Variants in SPATA2 observed in about 807,000 individuals in gnomAD.
SPATA2 encodes spermatogenesis associated 2.
In SPATA2, 8 loss-of-function variants were observed where a neutral mutation model predicts 35.4. That is an observed-to-expected ratio of 0.23 (90% CI 0.13 to 0.41). The LOEUF (loss-of-function observed/expected upper bound fraction) is 0.41, where lower values mean the gene tolerates loss of function less well. Ranked by LOEUF, SPATA2 falls within the 10% of genes least tolerant of loss-of-function variation. The pLI, the probability that SPATA2 is intolerant of heterozygous loss-of-function variation, is 1.00. For synonymous variants in SPATA2, 293 were observed against 300.9 expected (o/e 0.97, Z 0.27); for missense variants, 650 against 698.7 (o/e 0.93, Z 0.79).
In SPATA2 at chr20:49,908,260, G is replaced by C; in HGVS notation, c.231C>G (p.Leu77=). The C allele has an allele frequency of 6.2e-7, 1 of 1,614,160 alleles. No homozygotes were observed. Among genetic ancestry groups the C allele is most frequent in the South Asian group, 1.1e-5 (1 of 91,068 alleles). The change falls in exon 2 of 3, where the codon CTC becomes CTG. Residue 77 remains leucine, a synonymous_variant. Coordinates refer to ENST00000289431, the MANE Select transcript of SPATA2 (RefSeq NM_006038.4). ...GCAGAGCCCGCAGGCTAGAGGAGCT[G>C]AGCGAGCGCAAGGAGCTCTCCACCA... ...YEVVESSLRS[L]SSSSLRALHG... is the part of the protein sequence containing the mutation.
Position 49,906,278 on chromosome 20 carries a change from C to T in SPATA2, c.904G>A (p.Ala302Thr). ...IRPSPSLLTM[A>T]SSPHGSPDVL... ...TCCGGGCTGCCGTGGGGGGAGCTGGCCATGGTCAGCAGCGAAGGGGATGGG... is the reference window on the plus strand; with the variant it reads ...TCCGGGCTGCCGTGGGGGGAGCTGGTCATGGTCAGCAGCGAAGGGGATGGG... Residue 302 changes from alanine to threonine, a missense_variant, in exon 3 of 3, where the codon GCC (alanine) becomes ACC (threonine). Physicochemically the swap from Ala to Thr is moderately conservative, Grantham distance 58 (BLOSUM62 0). Transcript: ENST00000289431. The surrounding 1 kb of genome is among the most constrained non-coding windows in gnomAD (Gnocchi z 8.2). 6.4e-7 allele frequency: 1 copy of T among 1,573,840 alleles called. No individual in the cohort carries two copies.
intron 1 of SPATA2, among the ~76,000 whole-genome samples, chr20:49,912,658 T>C (rs1319035172): frequency 6.6e-6 from 1 of 152,170 alleles, no homozygotes; most frequent in African/African-American, 2.4e-5. Context: ...AGAGACTGAT[T>C]TTTTACAAAG....
chr20:49,907,380 G>A (rs2090153736), intron 2 of SPATA2, among the ~76,000 whole-genome samples: 1 of 152,124 alleles, frequency 6.6e-6, no homozygotes, highest in South Asian at 2.1e-4. Flanking sequence ...GTTAAACACA[G>A]GAAGCAAAAC....
chr20:49,910,725 A>C (rs1156552762), intron 1 of SPATA2, among the ~76,000 whole-genome samples: 1 of 152,132 alleles, frequency 6.6e-6, no homozygotes, highest in African/African-American at 2.4e-5. Flanking sequence ...TCCTCATCTC[A>C]AAGAGCCAGT....
chr20:49,913,887 T>G (rs1384552998), intron 1 of SPATA2: 2 of 152,106 alleles, frequency 1.3e-5, no homozygotes, highest in Non-Finnish European at 2.9e-5. Context: ...CAGCAATTCA[T>G]TCCCAGCACT....
At position 49,905,599 on chromosome 20, in the gene SPATA2, C is replaced by G. The variant is rs2090135822; in HGVS notation, c.*20G>C. On this transcript the variant is annotated 3_prime_UTR_variant, in exon 3 of 3. Transcript: ENST00000289431. ...AGGTCGGTTGATGTAGCCCTTGGAGCTGGAAGGGGCGAGGCCGGTCTATCT... is the reference window on the plus strand; with the variant it reads ...AGGTCGGTTGATGTAGCCCTTGGAGGTGGAAGGGGCGAGGCCGGTCTATCT... 1 of 1,610,574 alleles carries G rather than the reference C, an allele frequency of 6.2e-7. No homozygotes were observed. The highest frequency in any genetic ancestry group is 1.1e-5 in the South Asian group (1 of 90,952).
In SPATA2 at chr20:49,906,559, G is replaced by A. The variant is rs549203823; in HGVS notation, c.623C>T (p.Ser208Leu). 19 of 1,613,896 alleles carry A rather than the reference G, an allele frequency of 1.2e-5. No individual in the cohort carries two copies. The East Asian group carries it at 2.9e-4, about 25-fold the overall frequency. The change falls in exon 3 of 3, where the codon TCG becomes TTG. Residue 208 changes from serine to leucine, a missense_variant. By Grantham distance (145) the Ser-to-Leu change is moderately radical (BLOSUM62 -2). Coordinates refer to ENST00000289431, the MANE Select transcript of SPATA2 (RefSeq NM_006038.4). The surrounding 1 kb of genome is among the most constrained non-coding windows in gnomAD (Gnocchi z 8.2). ...KSSAEDVRGC[S>L]DALRRRAEGR... ...CTCTGCCCGCCGCCGCAGGGCGTCC[G>A]AGCAGCCGCGCACATCCTCTGCACT...
rs2146824075 is a variant in SPATA2, at chr20:49,903,827, C to T, written c.*1792G>A. On this transcript the variant is annotated 3_prime_UTR_variant, in exon 3 of 3. Coordinates refer to ENST00000289431, the MANE Select transcript of SPATA2 (RefSeq NM_006038.4). ...CATCAAAGATGAATGCCCTGCTAGGCTGGTCTTAGTAATAAAGTTGGTTGA... is the reference window on the plus strand; with the variant it reads ...CATCAAAGATGAATGCCCTGCTAGGTTGGTCTTAGTAATAAAGTTGGTTGA... 1 of 149,980 alleles carries T rather than the reference C, an allele frequency of 6.7e-6. No individual in the cohort carries two copies. The highest frequency in any genetic ancestry group is 6.7e-5 in the Admixed American group (1 of 14,940). The allele number at this position is 149,980 out of a possible 1,614,324, so 9.3% of individuals were successfully genotyped here.
At chr20:49,913,065 C>T (rs897817923) in intron 1 of SPATA2, among the ~76,000 whole-genome samples, 2 of 151,966 alleles carry the variant, frequency 1.3e-5, no homozygotes, top group African/African-American at 4.8e-5. Flanking sequence ...GCTATGATGG[C>T]ACCACTGCAC....
intron 1 of SPATA2, among the ~76,000 whole-genome samples, chr20:49,914,607 A>G (rs2090199053): frequency 6.6e-6 from 1 of 152,102 alleles, no homozygotes; most frequent in African/African-American, 2.4e-5. Flanking sequence ...CTCCTACTAG[A>G]TTCCAAAGAA....
chr20:49,904,202 G>C lies in SPATA2; in HGVS notation c.*1417C>G, dbSNP rs2090126645. The C allele has an allele frequency of 6.6e-6, 1 of 152,362 alleles. No homozygotes were observed. The highest frequency in any genetic ancestry group is 1.5e-5 in the Non-Finnish European group (1 of 68,014). 9.4% of individuals were successfully genotyped at this position (152,362 alleles called of 1,614,324 possible). A position where few individuals can be genotyped will look rare whatever the true frequency, so the allele number is the denominator to read the frequency against. ...ATTTTCAAACTCTTGCCCCACTCCT[G>C]CTCTTGTACCCCCACAAGGAAAATC... On this transcript the variant is annotated 3_prime_UTR_variant, in exon 3 of 3. Transcript: ENST00000289431.
At position 49,906,878 on chromosome 20, in the gene SPATA2, G is replaced by T; in HGVS notation, c.337-33C>A. 1 of 1,576,306 alleles carries T rather than the reference G, an allele frequency of 6.3e-7. No homozygotes were observed. The highest frequency in any genetic ancestry group is 8.6e-7 in the Non-Finnish European group (1 of 1,160,052). ...GGAGGGAGTAGAAAAGAAAGGTGGG[G>T]TTTTCTGTCAGAGACACAAGACAGA... On this transcript the variant is annotated intron_variant, in intron 2 of 2. Transcript: ENST00000289431. The surrounding 1 kb of genome is among the most constrained non-coding windows in gnomAD (Gnocchi z 8.2).
intron 1 of SPATA2, among the ~76,000 whole-genome samples, chr20:49,915,054 C>T (rs2090201853): frequency 6.6e-6 from 1 of 152,244 alleles, no homozygotes; most frequent in African/African-American, 2.4e-5. Flanking sequence ...AGAGCCTGAA[C>T]TGGGAACCCC....
chr20:49,911,340 G>A (rs1310866574), intron 1 of SPATA2, among the ~76,000 whole-genome samples: 1 of 152,110 alleles, frequency 6.6e-6, no homozygotes, highest in Admixed American at 6.5e-5. Context: ...GCCTAACACA[G>A]AGCCTGCCTG....
rs1207555168 is a variant in SPATA2, at chr20:49,906,348, A to G, written c.834T>C (p.Pro278=). The G allele has an allele frequency of 1.9e-6, 3 of 1,612,394 alleles. No homozygotes were observed. Among genetic ancestry groups the G allele is most frequent in the Non-Finnish European group, 2.5e-6 (3 of 1,178,916 alleles). Residue 278 remains proline (P), a synonymous_variant, in exon 3 of 3, where the codon CCT becomes CCC. Coordinates refer to ENST00000289431, the MANE Select transcript of SPATA2 (RefSeq NM_006038.4). The surrounding 1 kb of genome is among the most constrained non-coding windows in gnomAD (Gnocchi z 8.2). ...GGTCGTCCCCCACATCCGTTGCCACAGGCTCCTTCCGAAGACTCAATGAGG... is the reference window on the plus strand; with the variant it reads ...GGTCGTCCCCCACATCCGTTGCCACGGGCTCCTTCCGAAGACTCAATGAGG... ...LKASLSLRKE[P]VATDVGDDLK...
chr20:49,907,528 G>A (rs1371512085), intron 2 of SPATA2, among the ~76,000 whole-genome samples: 1 of 152,046 alleles, frequency 6.6e-6, no homozygotes, highest in Non-Finnish European at 1.5e-5. Flanking sequence ...TTTCCATGAG[G>A]GGCTGAGTAA....
At position 49,904,746 on chromosome 20, in the gene SPATA2, G is replaced by A. The variant is rs2090130274; in HGVS notation, c.*873C>T. 6.6e-6 allele frequency: 1 copy of A among 152,614 alleles called. No individual in the cohort carries two copies. 9.5% of individuals were successfully genotyped at this position (152,614 alleles called of 1,614,324 possible). A position where few individuals can be genotyped will look rare whatever the true frequency, so the allele number is the denominator to read the frequency against. ...AGGATACAACACGAATGGGCGCGAG[G>A]CCCTCCCTTGGAAGACTAAAGAACC... On this transcript the variant is annotated 3_prime_UTR_variant, in exon 3 of 3. Coordinates refer to ENST00000289431, the MANE Select transcript of SPATA2 (RefSeq NM_006038.4).
chr20:49,910,212 A>C (rs2284647), intron 1 of SPATA2, among the ~76,000 whole-genome samples: 5,632 of 152,290 alleles, frequency 0.037, 146 homozygotes, highest in East Asian at 0.093. Flanking sequence ...CCTGCGAGTG[A>C]GGCCAGGGCT....
intron 1 of SPATA2, among the ~76,000 whole-genome samples, chr20:49,914,029 G>GGA (rs1181760199): frequency 3.3e-5 from 1 of 30,188 alleles, no homozygotes; most frequent in East Asian, 1.1e-3. Context: ...CCAGTCTGGT[G>GGA]GAAAAAAAAA....
Sources: gnomAD v4.1 joint callset for allele counts (sites outside exome capture counted in the v4.1 genomes callset) on GRCh38, gnomAD v4.1.1 for gene constraint, Gnocchi (gnomAD v3.1) non-coding constraint, MANE v1.5 for transcripts, NCBI Gene and HGNC (gene_info 2026-07-23, HGNC 2026-07-21) for gene names.